UPP2: variants seen among roughly 807,000 people sequenced by gnomAD.
The protein encoded by UPP2 is UPase 2.
In UPP2, 23 loss-of-function variants were observed where a neutral mutation model predicts 26.7. That is an observed-to-expected ratio of 0.86 (90% CI 0.62 to 1.22). The LOEUF (loss-of-function observed/expected upper bound fraction) is 1.22. Among genes scored for constraint, UPP2 ranks in the 50% most tolerant of loss-of-function variants. The pLI is 0.00. For missense variants in UPP2, 387 were observed against 396.7 expected (o/e 0.98, Z 0.21); for synonymous variants, 127 against 141.3 (o/e 0.90, Z 0.72).
chr2:158,084,987 T>C (rs923284222), intron 3 of UPP2, among the ~76,000 whole-genome samples: 4 of 152,196 alleles, frequency 2.6e-5, no homozygotes, highest in African/African-American at 9.6e-5. Flanking sequence ...ACTCTTTTTT[T>C]GTTACATATG....
intron 1 of UPP2, 123 bp downstream of exon 1, chr2:158,102,248 AC>A: frequency 1.0e-6 from 1 of 964,480 alleles, no homozygotes; most frequent in Non-Finnish European, 1.5e-6. Context: ...AGATTATATC[AC>A]TGGATGCAGC....
intron 3 of UPP2, among the ~76,000 whole-genome samples, chr2:158,062,184 G>A (rs893845087): frequency 2.6e-5 from 4 of 152,308 alleles, no homozygotes; most frequent in South Asian, 4.1e-4. Context: ...CTATGATGAC[G>A]GAAACATTTT....
At chr2:157,996,049 T>C (rs890346846) in intron 2 of UPP2, among the ~76,000 whole-genome samples, 1 of 152,196 alleles carries the variant, frequency 6.6e-6, no homozygotes, top group Non-Finnish European at 1.5e-5. Context: ...CATAAACCTG[T>C]TTTTAAAAGT....
At chr2:158,072,315 A>G (rs1171902411) in intron 3 of UPP2, among the ~76,000 whole-genome samples, 1 of 152,122 alleles carries the variant, frequency 6.6e-6, no homozygotes, top group African/African-American at 2.4e-5. Context: ...CCACAGCAGA[A>G]TAAAACATCA....
intron 3 of UPP2, among the ~76,000 whole-genome samples, chr2:158,056,325 T>C (rs1179021926): frequency 6.6e-6 from 1 of 152,196 alleles, no homozygotes; most frequent in Non-Finnish European, 1.5e-5. Flanking sequence ...GGTACATTTG[T>C]TACAATTAAT....
At chr2:158,125,254 G>A (rs1683668120) in intron 6 of UPP2, among the ~76,000 whole-genome samples, 1 of 152,150 alleles carries the variant, frequency 6.6e-6, no homozygotes. Context: ...ATTACAAACA[G>A]AATATATGTG....
intron 3 of UPP2, among the ~76,000 whole-genome samples, chr2:158,029,142 A>C (rs1683884688): frequency 6.6e-6 from 1 of 152,244 alleles, no homozygotes; most frequent in African/African-American, 2.4e-5. Context: ...TGAATGGTTC[A>C]ATGGTAAAGT....
At chr2:158,049,844 C>T (rs1421331648) in intron 3 of UPP2, among the ~76,000 whole-genome samples, 1 of 152,158 alleles carries the variant, frequency 6.6e-6, no homozygotes, top group Non-Finnish European at 1.5e-5. Context: ...TATGATCATA[C>T]ATTAGAATTC....
At chr2:158,092,047 G>A (rs1682919956) in intron 3 of UPP2, among the ~76,000 whole-genome samples, 1 of 152,114 alleles carries the variant, frequency 6.6e-6, no homozygotes, top group Non-Finnish European at 1.5e-5. Flanking sequence ...AGTGTGTGAA[G>A]AAGAAAGATC....
At chr2:158,108,822 C>T (rs765455175) in intron 2 of UPP2, among the ~76,000 whole-genome samples, 2 of 151,392 alleles carry the variant, frequency 1.3e-5, no homozygotes, top group Non-Finnish European at 2.9e-5. Context: ...CTGTTTCAAA[C>T]ATGTTTTATC....
At chr2:158,046,161 G>A (rs900274250) in intron 3 of UPP2, among the ~76,000 whole-genome samples, 3 of 152,226 alleles carry the variant, frequency 2.0e-5, no homozygotes, top group Non-Finnish European at 4.4e-5. Flanking sequence ...TTGTTATCCA[G>A]TGGGTAGGGC....
At chr2:158,104,011 A>T (rs542063911) in intron 1 of UPP2, among the ~76,000 whole-genome samples, 3 of 152,200 alleles carry the variant, frequency 2.0e-5, no homozygotes, top group Non-Finnish European at 4.4e-5. Context: ...ATAACTCTAG[A>T]TGTTTTTGAG....
chr2:158,091,159 G>A (rs1194983223), intron 3 of UPP2, among the ~76,000 whole-genome samples: 1 of 152,226 alleles, frequency 6.6e-6, no homozygotes, highest in Admixed American at 6.5e-5. Flanking sequence ...GTCCTAGACT[G>A]TGGACACACT....
At chr2:158,031,045 T>A (rs1187205075) in intron 3 of UPP2, among the ~76,000 whole-genome samples, 1 of 152,176 alleles carries the variant, frequency 6.6e-6, no homozygotes, top group African/African-American at 2.4e-5. Flanking sequence ...TAGAGCTTAC[T>A]ATCCTTTTAT....
intron 6 of UPP2, among the ~76,000 whole-genome samples, chr2:158,129,958 T>G (rs1002669608): frequency 3.3e-5 from 5 of 152,034 alleles, no homozygotes; most frequent in Admixed American, 2.6e-4. Flanking sequence ...TTGTTGTGGT[T>G]GTTGTTGTTT....
intron 2 of UPP2, among the ~76,000 whole-genome samples, chr2:157,997,255 T>C (rs555705268): frequency 9.8e-5 from 15 of 152,312 alleles, no homozygotes; most frequent in African/African-American, 3.4e-4. Flanking sequence ...TATTTTTTTT[T>C]ATTTTTATTT....
intron 2 of UPP2, among the ~76,000 whole-genome samples, chr2:158,114,272 T>C (rs1263038562): frequency 2.0e-5 from 3 of 152,098 alleles, no homozygotes; most frequent in Non-Finnish European, 4.4e-5. Context: ...GGTGTGAGAG[T>C]CTGCTACTGC....
intron 4 of UPP2, among the ~76,000 whole-genome samples, chr2:158,120,634 T>C (rs6734022): frequency 0.58 from 88,173 of 151,802 alleles, 26,566 homozygotes; most frequent in African/African-American, 0.67. Context: ...TATTCAGGCT[T>C]TAAATAGAAA....
intron 3 of UPP2, among the ~76,000 whole-genome samples, chr2:158,090,546 A>G (rs1368815324): frequency 6.6e-6 from 1 of 152,072 alleles, no homozygotes; most frequent in African/African-American, 2.4e-5. Flanking sequence ...AACAAACCAA[A>G]TGTATCTAAG....
Sources: gnomAD v4.1 joint callset for allele counts (sites outside exome capture counted in the v4.1 genomes callset) on GRCh38, gnomAD v4.1.1 for gene constraint, MANE v1.5 for transcripts, NCBI Gene and HGNC (gene_info 2026-07-23, HGNC 2026-07-21) for gene names.